The following SMARCC1 variants were observed in gnomAD, a reference collection of about 807,000 sequenced individuals.
SMARCC1 encodes the protein SWI/SNF complex subunit SMARCC1.
A neutral mutation model predicts 147.4 loss-of-function variants in SMARCC1; 43 were observed. That is an observed-to-expected ratio of 0.29 (90% CI 0.23 to 0.38). The LOEUF (loss-of-function observed/expected upper bound fraction) is 0.38, where lower values mean the gene tolerates loss of function less well. SMARCC1 is among the 10% of genes least tolerant of loss of function. The probability of loss-of-function intolerance (pLI) is 1.00; values close to 1 mark genes in which losing one functional copy is unlikely to be tolerated. For missense variants in SMARCC1, 1,119 were observed against 1,381.1 expected, an observed-to-expected ratio of 0.81 and a Z score of 3.01; for synonymous variants, 495 against 484.4, an observed-to-expected ratio of 1.02 and a Z score of -0.29.
chr3:47,678,888 T>C (rs2033604884), intron 15 of SMARCC1, among the ~76,000 whole-genome samples: 1 of 152,218 alleles, frequency 6.6e-6, no homozygotes, highest in Admixed American at 6.5e-5. Flanking sequence ...CTATCACTTC[T>C]GTATTTCACA....
chr3:47,749,670 A>AACACACACACACACACACACACACAT, intron 2 of SMARCC1, among the ~76,000 whole-genome samples: 1 of 92,496 alleles, frequency 1.1e-5, no homozygotes, highest in East Asian at 3.4e-4. Flanking sequence ...CTCTAAATTA[A>AACACACACACACACACACACACACAT]ACACACACAC....
At chr3:47,697,670 T>C (rs190810734) in intron 11 of SMARCC1, among the ~76,000 whole-genome samples, 17 of 149,320 alleles carry the variant, frequency 1.1e-4, no homozygotes, top group South Asian at 8.5e-4. Context: ...AGCATAACCA[T>C]GACAGCAAAA....
chr3:47,730,157 G>C (rs922273955), intron 5 of SMARCC1, among the ~76,000 whole-genome samples: 1 of 152,024 alleles, frequency 6.6e-6, no homozygotes, highest in Non-Finnish European at 1.5e-5. Flanking sequence ...GGGGGACAGA[G>C]TGAGACTCCG....
chr3:47,723,118 T>C (rs2034252409), intron 6 of SMARCC1, among the ~76,000 whole-genome samples: 1 of 152,288 alleles, frequency 6.6e-6, no homozygotes, highest in South Asian at 2.1e-4. Flanking sequence ...TTGGTTTACA[T>C]ATGAAAGATG....
chr3:47,663,784 G>GGCC (rs1576403646), intron 19 of SMARCC1: 6 of 1,577,544 alleles, frequency 3.8e-6, no homozygotes, highest in Non-Finnish European at 4.4e-6. Flanking sequence ...TGGCCACGGC[G>GGCC]GCCGCCCTCA....
At chr3:47,695,407 A>G (rs989670977) in intron 11 of SMARCC1, among the ~76,000 whole-genome samples, 1 of 152,160 alleles carries the variant, frequency 6.6e-6, no homozygotes, top group Admixed American at 6.6e-5. Flanking sequence ...AAAATCATAC[A>G]CTGGAAAACT....
intron 24 of SMARCC1, among the ~76,000 whole-genome samples, chr3:47,633,647 G>A (rs1328511917): frequency 1.4e-5 from 2 of 145,402 alleles, no homozygotes; most frequent in African/African-American, 5.1e-5. Flanking sequence ...GGGAGGCTGA[G>A]ACAGGAGAAT....
At chr3:47,634,803 G>T (rs907478699) in intron 24 of SMARCC1, among the ~76,000 whole-genome samples, 1 of 152,152 alleles carries the variant, frequency 6.6e-6, no homozygotes, top group Non-Finnish European at 1.5e-5. Context: ...TTTAGGCAAG[G>T]AAACAGGTTT....
chr3:47,753,712 C>CAAA (rs71070226), intron 2 of SMARCC1, among the ~76,000 whole-genome samples: 1,491 of 68,672 alleles, frequency 0.022, 67 homozygotes, highest in South Asian at 0.033. Flanking sequence ...AACTCCATCT[C>CAAA]AAAAAAAAAA....
At chr3:47,719,125 A>G (rs2034199110) in intron 7 of SMARCC1, among the ~76,000 whole-genome samples, 3 of 151,818 alleles carry the variant, frequency 2.0e-5, no homozygotes, top group Admixed American at 1.3e-4. Context: ...CGTGTTAGCC[A>G]GGATGGTCTC....
chr3:47,742,075 T>C (rs373708775), intron 3 of SMARCC1, among the ~76,000 whole-genome samples: 1 of 152,148 alleles, frequency 6.6e-6, no homozygotes, highest in Non-Finnish European at 1.5e-5. Flanking sequence ...TTTTTCCTTT[T>C]AGAAGTTTGC....
intron 6 of SMARCC1, among the ~76,000 whole-genome samples, chr3:47,728,667 GA>G (rs911497378): frequency 6.6e-6 from 1 of 152,128 alleles, no homozygotes; most frequent in African/African-American, 2.4e-5. Flanking sequence ...AGCACTTTGG[GA>G]GGCCAAGGTG....
At chr3:47,683,105 C>A (rs1372011126) in intron 14 of SMARCC1, among the ~76,000 whole-genome samples, 1 of 152,190 alleles carries the variant, frequency 6.6e-6, no homozygotes, top group Middle Eastern at 3.2e-3. Context: ...TGCAGTGGCG[C>A]GATCTCAGCT....
At position 47,585,386 on chromosome 3, in the gene SMARCC1, C is replaced by T. The variant is rs766795447; in HGVS notation, c.*2823G>A. Reference sequence around the variant, plus strand: ...GCTCTCTTTATTAGAGGCACACCTTCGTGAAGAGCAGGGCGTTCATCTCAT... The same window carrying T: ...GCTCTCTTTATTAGAGGCACACCTTTGTGAAGAGCAGGGCGTTCATCTCAT... On this transcript the variant is annotated 3_prime_UTR_variant, in exon 28 of 28. Coordinates refer to ENST00000254480, the MANE Select transcript of SMARCC1 (RefSeq NM_003074.4). 2.6e-5 allele frequency: 4 copies of T among 152,226 alleles called. No individual in the cohort carries two copies. Among genetic ancestry groups the T allele is most frequent in the African/African-American group, 7.2e-5 (3 of 41,458 alleles). The allele number at this position is 152,226 out of a possible 1,614,324, so 9.4% of individuals were successfully genotyped here. A position where few individuals can be genotyped will look rare whatever the true frequency, so the allele number is the denominator to read the frequency against.
At position 47,636,134 on chromosome 3, in the gene SMARCC1, T is replaced by G. The variant is rs1299956521; in HGVS notation, c.2379A>C (p.Ala793=). ...CCGTTTCATTTTCCACTTTATTTTC[T>G]GCCTGAAAGGGATATAAAACAAGAG... ...ADPDGQQPEK[A]ENKVENETDE... is the part of the protein sequence containing the mutation. The change falls in exon 23 of 28, where the codon GCA becomes GCC. Residue 793 remains alanine, a splice_region_variant and synonymous_variant. Coordinates refer to ENST00000254480, the MANE Select transcript of SMARCC1 (RefSeq NM_003074.4). 12 of 1,560,152 alleles carry G rather than the reference T, an allele frequency of 7.7e-6. No homozygotes were observed. The highest frequency in any genetic ancestry group is 1.1e-5 in the Non-Finnish European group (12 of 1,134,494).
At chr3:47,598,807 TAC>T (rs2032338929) in intron 26 of SMARCC1, among the ~76,000 whole-genome samples, 2 of 117,996 alleles carry the variant, frequency 1.7e-5, no homozygotes, top group Non-Finnish European at 3.3e-5. Context: ...CAGCCTGGGC[TAC>T]AGAGGGACTC....
At chr3:47,591,222 A>C (rs1247388132) in intron 26 of SMARCC1, among the ~76,000 whole-genome samples, 1 of 152,128 alleles carries the variant, frequency 6.6e-6, no homozygotes, top group Non-Finnish European at 1.5e-5. Flanking sequence ...CTTTAAAAGG[A>C]AGTCAGTAAG....
intron 21 of SMARCC1, among the ~76,000 whole-genome samples, chr3:47,654,940 A>G (rs572288949): frequency 6.6e-6 from 1 of 152,354 alleles, no homozygotes; most frequent in South Asian, 2.1e-4. Context: ...GAGGACAAAG[A>G]AACCATATCC....
At chr3:47,732,586 G>T (rs192391150) in intron 5 of SMARCC1, among the ~76,000 whole-genome samples, 113 of 152,230 alleles carry the variant, frequency 7.4e-4, no homozygotes, top group Non-Finnish European at 1.1e-3. Flanking sequence ...ACCAGCTAGA[G>T]GCCATTGTAG....
Sources: gnomAD v4.1 joint callset for allele counts (sites outside exome capture counted in the v4.1 genomes callset) on GRCh38, gnomAD v4.1.1 for gene constraint, MANE v1.5 for transcripts, NCBI Gene and HGNC (gene_info 2026-07-23, HGNC 2026-07-21) for gene names.